The following SORCS2 variants were observed in gnomAD, a reference collection of about 807,000 sequenced individuals.
SORCS2 encodes VPS10 domain-containing receptor SorCS2.
Under a neutral mutation model 141.6 loss-of-function variants are expected in SORCS2, and 100 were observed. The observed-to-expected ratio is 0.71, with a 90% CI of 0.60 to 0.83. The LOEUF (loss-of-function observed/expected upper bound fraction) is 0.83, where lower values mean the gene tolerates loss of function less well. Among genes scored for constraint, SORCS2 ranks in the 40% least tolerant of loss-of-function variants. The pLI, the probability that SORCS2 is intolerant of heterozygous loss-of-function variation, is 0.00. For synonymous variants in SORCS2, 789 were observed against 676.9 expected (o/e 1.17, Z -2.57); for missense variants, 1,646 against 1,560.2 (o/e 1.05, Z -0.93).
chr4:7,298,861 G>A (rs1326574390), intron 1 of SORCS2, among the ~76,000 whole-genome samples: 1 of 152,250 alleles, frequency 6.6e-6, no homozygotes, highest in East Asian at 1.9e-4. Context: ...GTGCCCCACT[G>A]CAGAGCCTGG....
intron 1 of SORCS2, among the ~76,000 whole-genome samples, chr4:7,364,810 C>T (rs1247843151): frequency 6.6e-6 from 1 of 152,188 alleles, no homozygotes; most frequent in Admixed American, 6.5e-5. Flanking sequence ...AGTAACCTTG[C>T]CTGACATCAC....
chr4:7,483,322 CAA>C (rs34942012), intron 2 of SORCS2, among the ~76,000 whole-genome samples: 945 of 75,730 alleles, frequency 0.012, 6 homozygotes, highest in African/African-American at 0.043. Context: ...GACTCCATCT[CAA>C]AAAAAAAAAA....
intron 14 of SORCS2, among the ~76,000 whole-genome samples, chr4:7,708,017 A>G (rs1166521211): frequency 6.6e-6 from 1 of 152,206 alleles, no homozygotes; most frequent in Non-Finnish European, 1.5e-5. Context: ...CAGCCCCGAA[A>G]CTGGGAAATG....
intron 2 of SORCS2, among the ~76,000 whole-genome samples, chr4:7,461,507 C>T (rs760387500): frequency 3.3e-5 from 5 of 152,250 alleles, no homozygotes; most frequent in Admixed American, 6.5e-5. Context: ...CATGGACTCA[C>T]GCCGCACTGT....
intron 3 of SORCS2, among the ~76,000 whole-genome samples, chr4:7,574,300 T>A (rs1577775162): frequency 6.6e-6 from 1 of 152,210 alleles, no homozygotes; most frequent in South Asian, 2.1e-4. Context: ...TGGCTTCCCC[T>A]GTCACAGAGA....
chr4:7,431,715 C>G (rs1033743460), intron 2 of SORCS2: 1 of 152,234 alleles, frequency 6.6e-6, no homozygotes, highest in Non-Finnish European at 1.5e-5. Flanking sequence ...GTGGGACTGC[C>G]CAGCGGGCCC....
chr4:7,708,995 C>T (rs151279589), intron 14 of SORCS2, among the ~76,000 whole-genome samples: 140 of 152,338 alleles, frequency 9.2e-4, no homozygotes, highest in Non-Finnish European at 1.6e-3. Context: ...AGTCTCGTGC[C>T]CCCGGAGGCC....
chr4:7,412,166 G>A lies in SORCS2; in HGVS notation c.548+15811G>A, dbSNP rs141690727. ...TTCTGCTGTAGGAGCTGCCCGGAGT[G>A]TGTCACGGCCCATCGGGGCTCACCC... On this transcript the variant is annotated intron_variant, in intron 2 of 26. Transcript: ENST00000507866. Among the ~76,000 whole-genome samples the A allele has an allele frequency of 3.9e-5, 6 of 152,326 alleles. No homozygotes were observed. The East Asian group carries it at 1.2e-3, about 29-fold the overall frequency.
chr4:7,701,802 C>G (rs1000764945), intron 12 of SORCS2, among the ~76,000 whole-genome samples: 1 of 152,172 alleles, frequency 6.6e-6, no homozygotes, highest in Non-Finnish European at 1.5e-5. Flanking sequence ...TATGGAGGGG[C>G]AGAGGGAAGA....
intron 1 of SORCS2, among the ~76,000 whole-genome samples, chr4:7,265,205 G>A (rs527931891): frequency 6.6e-6 from 1 of 152,322 alleles, no homozygotes; most frequent in East Asian, 1.9e-4. Flanking sequence ...CAGAAAGCAA[G>A]GTGTAGGCTG....
intron 1 of SORCS2, among the ~76,000 whole-genome samples, chr4:7,194,694 C>T (rs1005003918): frequency 1.3e-5 from 2 of 152,140 alleles, no homozygotes; most frequent in Non-Finnish European, 2.9e-5. Context: ...TTCTCTCCAT[C>T]TGCACCTTGA....
chr4:7,585,919 T>C (rs1716506982), intron 3 of SORCS2, among the ~76,000 whole-genome samples: 1 of 152,258 alleles, frequency 6.6e-6, no homozygotes, highest in South Asian at 2.1e-4. Context: ...GCTTAATACT[T>C]AGCCTTATAG....
intron 2 of SORCS2, among the ~76,000 whole-genome samples, chr4:7,523,125 T>TCTGCCTCCTCCC (rs1733447117): frequency 6.8e-6 from 1 of 147,312 alleles, no homozygotes; most frequent in African/African-American, 2.5e-5. Context: ...GCCTCCTCCC[T>TCTGCCTCCTCCC]TTCTTCCTTC....
chr4:7,395,267 A>C (rs1724135079), intron 1 of SORCS2, among the ~76,000 whole-genome samples: 1 of 152,224 alleles, frequency 6.6e-6, no homozygotes, highest in African/African-American at 2.4e-5. Context: ...GACCGAGCGC[A>C]GGGAGCTCTG....
At chr4:7,650,217 A>G (rs1308819970) in intron 4 of SORCS2, among the ~76,000 whole-genome samples, 1 of 152,186 alleles carries the variant, frequency 6.6e-6, no homozygotes, top group African/African-American at 2.4e-5. Flanking sequence ...GCGAGCCTCC[A>G]TCTTCCGTCT....
intron 1 of SORCS2, among the ~76,000 whole-genome samples, chr4:7,230,550 G>C (rs1221863570): frequency 2.8e-5 from 4 of 143,156 alleles, no homozygotes; most frequent in East Asian, 2.2e-4. Flanking sequence ...CTGGGCAGGA[G>C]TAGTGTCATG....
chr4:7,554,014 G>A (rs1713920350), intron 3 of SORCS2, among the ~76,000 whole-genome samples: 1 of 152,170 alleles, frequency 6.6e-6, no homozygotes, highest in Non-Finnish European at 1.5e-5. Context: ...AACAGCCATG[G>A]GCGAGAGACT....
chr4:7,246,836 G>A (rs1022665527), intron 1 of SORCS2, among the ~76,000 whole-genome samples: 1 of 152,186 alleles, frequency 6.6e-6, no homozygotes, highest in African/African-American at 2.4e-5. Flanking sequence ...GAACTCTTTC[G>A]CCGTGACTCG....
At chr4:7,710,013 G>A (rs908693676) in intron 14 of SORCS2, among the ~76,000 whole-genome samples, 3 of 152,192 alleles carry the variant, frequency 2.0e-5, no homozygotes, top group Non-Finnish European at 2.9e-5. Flanking sequence ...CTAGATGGCA[G>A]CTCTTTCTCA....
Sources: allele counts gnomAD v4.1 joint callset (sites outside exome capture counted in the v4.1 genomes callset), GRCh38; gene constraint gnomAD v4.1.1; transcripts MANE v1.5; gene names NCBI Gene and HGNC (gene_info 2026-07-23, HGNC 2026-07-21).